MMAA: variants seen among roughly 807,000 people sequenced by gnomAD.
MMAA encodes metabolism of cobalamin associated A, also known as methylmalonic aciduria type A protein, mitochondrial.
Under a neutral mutation model 45.0 loss-of-function variants are expected in MMAA, and 41 were observed. That is an observed-to-expected ratio of 0.91 (90% confidence interval 0.71 to 1.18). The LOEUF is 1.18. Among genes scored for constraint, MMAA ranks in the 50% most tolerant of loss-of-function variants. The pLI, the probability that MMAA is intolerant of heterozygous loss-of-function variation, is 0.00. For synonymous variants in MMAA, 154 were observed against 178.2 expected (o/e 0.86, Z 1.08); for missense variants, 460 against 495.7 (o/e 0.93, Z 0.68).
intron 1 of MMAA, among the ~76,000 whole-genome samples, chr4:145,636,968 T>C (rs1321167942): frequency 1.3e-5 from 2 of 152,236 alleles, no homozygotes; most frequent in Non-Finnish European, 2.9e-5. Context: ...GTCTTTGCAA[T>C]GTAATTAAGT....
intron 2 of MMAA, among the ~76,000 whole-genome samples, chr4:145,640,469 C>T (rs1011986850): frequency 6.6e-6 from 1 of 152,130 alleles, no homozygotes; most frequent in Non-Finnish European, 1.5e-5. Context: ...ATAGCTCTGA[C>T]ATCATGCTTG....
chr4:145,644,018 A>T (rs1727862727), intron 3 of MMAA, among the ~76,000 whole-genome samples: 1 of 152,208 alleles, frequency 6.6e-6, no homozygotes, highest in Non-Finnish European at 1.5e-5. Context: ...TTTCTACCTT[A>T]TTGTATCAGT....
In MMAA at chr4:145,655,290, TC is replaced by T. The variant is rs765726949; in HGVS notation, c.1114del (p.Gln372ArgfsTer5). 6.2e-7 allele frequency: 1 copy of T among 1,614,114 alleles called. No individual in the cohort carries two copies. The highest frequency in any genetic ancestry group is 2.2e-5 in the East Asian group (1 of 44,882). On this transcript the variant is annotated frameshift_variant, in exon 7 of 7. Transcript: ENST00000649156. LOFTEE classifies it high-confidence loss of function. The stretch of plus-strand genomic sequence containing the variant: ...AGAAAGTTTGGATGTGGAATCTCAT[TC>T]AGGAAAGTGTGTTAGAGCATTTCAG... Reference protein sequence around the residue: ...QQKVWMWNLIQESVLEHFRTH... With the variant: ...QQKVWMWNLIXESVLEHFRTH...
intron 1 of MMAA, chr4:145,626,042 C>G (rs1446441595): frequency 1.6e-6 from 2 of 1,234,694 alleles, no homozygotes; most frequent in African/African-American, 3.0e-5. Flanking sequence ...TCATTCTGCT[C>G]ACAGCTCCAG....
At chr4:145,641,352 A>G (rs1727776120) in intron 2 of MMAA, among the ~76,000 whole-genome samples, 1 of 152,236 alleles carries the variant, frequency 6.6e-6, no homozygotes, top group Non-Finnish European at 1.5e-5. Flanking sequence ...ATGAGGCCAG[A>G]TAAACCTGTC....
chr4:145,657,917 G>T lies in MMAA; in HGVS notation c.*2483G>T, dbSNP rs1374717253. On this transcript the variant is annotated 3_prime_UTR_variant, in exon 7 of 7. Transcript: ENST00000649156. ...ATCCCCAATCTTGGAGGTGGAGCCT[G>T]GTGGGAGGTGTATGGATTAGATCAG... The T allele has an allele frequency of 6.6e-6, 1 of 152,200 alleles. No individual in the cohort carries two copies. The highest frequency in any genetic ancestry group is 1.5e-5 in the Non-Finnish European group (1 of 68,036). 9.4% of individuals were successfully genotyped at this position (152,200 alleles called of 1,614,324 possible). A position where few individuals can be genotyped will look rare whatever the true frequency, so the allele number is the denominator to read the frequency against.
chr4:145,620,141 G>T (rs1393790811), intron 1 of MMAA, among the ~76,000 whole-genome samples: 1 of 152,184 alleles, frequency 6.6e-6, no homozygotes, highest in Non-Finnish European at 1.5e-5. Flanking sequence ...GGATTATTCA[G>T]CATTTTGCTG....
At chr4:145,643,118 A>ATATAAACTT (rs1286219689) in intron 3 of MMAA, among the ~76,000 whole-genome samples, 4 of 152,250 alleles carry the variant, frequency 2.6e-5, no homozygotes, top group Admixed American at 6.5e-5. Flanking sequence ...GATAAAATGA[A>ATATAAACTT]TATAAACTTA....
At chr4:145,651,942 G>C (rs1359630741) in intron 5 of MMAA, among the ~76,000 whole-genome samples, 4 of 152,170 alleles carry the variant, frequency 2.6e-5, no homozygotes, top group Non-Finnish European at 5.9e-5. Flanking sequence ...TGTTGTTGCT[G>C]ATCTAACGGG....
chr4:145,623,645 CA>C (rs1255717425), intron 1 of MMAA, among the ~76,000 whole-genome samples: 1 of 151,980 alleles, frequency 6.6e-6, no homozygotes, highest in South Asian at 2.1e-4. Context: ...ATTTTTTGTG[CA>C]AAATACACTG....
At chr4:145,623,841 C>T (rs775614212) in intron 1 of MMAA, among the ~76,000 whole-genome samples, 1 of 152,102 alleles carries the variant, frequency 6.6e-6, no homozygotes, top group Non-Finnish European at 1.5e-5. Context: ...CTTTTAGTAA[C>T]GACCTGATCT....
intron 1 of MMAA, among the ~76,000 whole-genome samples, chr4:145,629,534 TA>T (rs1278508605): frequency 1.3e-5 from 2 of 152,132 alleles, no homozygotes; most frequent in Non-Finnish European, 2.9e-5. Flanking sequence ...ATGACATACC[TA>T]AAAAAAGAGT....
At chr4:145,625,184 C>T in intron 1 of MMAA, 2 of 1,430,814 alleles carry the variant, frequency 1.4e-6, no homozygotes, top group Non-Finnish European at 2.0e-6. Context: ...GGAGAAAGAA[C>T]TAGTAGTGGA....
chr4:145,653,287 G>C (rs537220916), intron 5 of MMAA, among the ~76,000 whole-genome samples: 3 of 152,232 alleles, frequency 2.0e-5, no homozygotes, highest in African/African-American at 7.2e-5. Context: ...TTTCATAATT[G>C]AATGTTTTGT....
At chr4:145,655,062 G>C in intron 6 of MMAA, 85 bp from the exon 7 acceptor site, 2 of 1,455,790 alleles carry the variant, frequency 1.4e-6, no homozygotes, top group South Asian at 2.4e-5. Flanking sequence ...TAGACCGTAA[G>C]AATTAACTGG....
intron 4 of MMAA, among the ~76,000 whole-genome samples, chr4:145,646,861 T>G (rs992523409): frequency 7.9e-5 from 12 of 151,618 alleles, no homozygotes; most frequent in African/African-American, 2.9e-4. Context: ...GAGCAAAGAG[T>G]GTGAAGGCAG....
intron 1 of MMAA, among the ~76,000 whole-genome samples, chr4:145,628,114 A>T (rs78114597): frequency 1.7e-3 from 257 of 152,366 alleles, no homozygotes; most frequent in African/African-American, 5.9e-3. Flanking sequence ...ATCTAAATGC[A>T]AAAGGAAGCA....
intron 1 of MMAA, among the ~76,000 whole-genome samples, chr4:145,628,779 A>G (rs1017881097): frequency 6.6e-6 from 1 of 152,212 alleles, no homozygotes; most frequent in African/African-American, 2.4e-5. Flanking sequence ...GCTGTTTTTA[A>G]AAAAGCAGAA....
chr4:145,652,729 CA>C (rs1330699991), intron 5 of MMAA, among the ~76,000 whole-genome samples: 1 of 151,722 alleles, frequency 6.6e-6, no homozygotes, highest in African/African-American at 2.4e-5. Context: ...GACTCTGTCT[CA>C]AAACAACAAC....
Sources: gnomAD v4.1 joint callset for allele counts (sites outside exome capture counted in the v4.1 genomes callset) on GRCh38, gnomAD v4.1.1 for gene constraint, MANE v1.5 for transcripts, NCBI Gene and HGNC (gene_info 2026-07-23, HGNC 2026-07-21) for gene names.